The following AGO3 variants were observed in gnomAD, a reference collection of about 807,000 sequenced individuals.
AGO3 encodes the protein argonaute RISC catalytic component 3, also known as protein argonaute-3.
A neutral mutation model predicts 105.5 loss-of-function variants in AGO3; 16 were observed. The ratio of observed to expected loss-of-function variants is 0.15; its 90% confidence interval spans 0.10 to 0.23. The LOEUF is 0.23. AGO3 is among the 10% of genes least tolerant of loss of function. The pLI, the probability that AGO3 is intolerant of heterozygous loss-of-function variation, is 1.00. For missense variants in AGO3, 534 were observed against 1,088.0 expected, an observed-to-expected ratio of 0.49 and a Z score of 7.16; for synonymous variants, 340 against 367.3, an observed-to-expected ratio of 0.93 and a Z score of 0.85.
intron 12 of AGO3, among the ~76,000 whole-genome samples, chr1:36,028,311 T>C (rs1641600268): frequency 6.6e-6 from 1 of 152,014 alleles, no homozygotes; most frequent in African/African-American, 2.4e-5. Flanking sequence ...TTTAGTTACA[T>C]GTGTATACAT....
Position 36,038,745 on chromosome 1 carries a change from TAGACAC to T in AGO3, c.1843-1041_1843-1036del, listed in dbSNP as rs1332395295. ...CTCTTCTCCAAAGACATAACAATATTAGACACAGAAAGAGAAATTAATATAGCTAGT... is the reference window on the plus strand; with the variant it reads ...CTCTTCTCCAAAGACATAACAATATTAGAAAGAGAAATTAATATAGCTAGT... On this transcript the variant is annotated intron_variant, in intron 14 of 18. Transcript: ENST00000373191. 5.3e-5 allele frequency among the ~76,000 whole-genome samples: 8 copies of T among 152,260 alleles called. No individual in the cohort carries two copies. The South Asian group carries it at 1.0e-3, about 20-fold the overall frequency.
intron 2 of AGO3, among the ~76,000 whole-genome samples, chr1:35,965,937 T>C (rs1646766493): frequency 6.6e-6 from 1 of 151,062 alleles, no homozygotes; most frequent in Non-Finnish European, 1.5e-5. Flanking sequence ...GCAATTCTCC[T>C]GCCTCAGCCT....
In AGO3 at chr1:36,056,869, G is replaced by C. The variant is rs1015506693; in HGVS notation, c.*1124G>C. The C allele has an allele frequency of 2.0e-5, 3 of 152,172 alleles. No homozygotes were observed. Among genetic ancestry groups the C allele is most frequent in the Non-Finnish European group, 4.4e-5 (3 of 68,154 alleles). 9.4% of individuals were successfully genotyped at this position (152,172 alleles called of 1,614,324 possible). On this transcript the variant is annotated 3_prime_UTR_variant, in exon 19 of 19. Coordinates refer to ENST00000373191, the MANE Select transcript of AGO3 (RefSeq NM_024852.4). ...CAATTCTCCTGCCTCAGCCTCCCGA[G>C]TAGCTGGGTTTACAGGCATGTGCCA... is the stretch of plus-strand genomic sequence containing the variant.
At chr1:35,969,309 G>A (rs749867144) in intron 3 of AGO3, among the ~76,000 whole-genome samples, 31 of 152,154 alleles carry the variant, frequency 2.0e-4, no homozygotes, top group Admixed American at 1.8e-3. Flanking sequence ...TTCACAGGTT[G>A]TCTTTTCACT....
rs551031790 is a variant in AGO3 at position 36,038,763 on chromosome 1, T to G, written c.1843-1027T>G. 2.6e-5 allele frequency among the ~76,000 whole-genome samples: 4 copies of G among 152,274 alleles called. No homozygotes were observed. The South Asian group carries it at 8.3e-4, about 32-fold the overall frequency. On this transcript the variant is annotated intron_variant, in intron 14 of 18. Coordinates refer to ENST00000373191, the MANE Select transcript of AGO3 (RefSeq NM_024852.4). ...ACAATATTAGACACAGAAAGAGAAA[T>G]TAATATAGCTAGTTTCAAAACCAAG...
At chr1:36,029,090 T>C (rs1218766243) in intron 12 of AGO3, among the ~76,000 whole-genome samples, 4 of 152,194 alleles carry the variant, frequency 2.6e-5, no homozygotes, top group Non-Finnish European at 5.9e-5. Flanking sequence ...ATACTAATAA[T>C]ACCTAATCCA....
At chr1:35,996,186 G>A (rs755595131) in intron 5 of AGO3, among the ~76,000 whole-genome samples, 8 of 151,842 alleles carry the variant, frequency 5.3e-5, no homozygotes, top group Admixed American at 1.3e-4. Flanking sequence ...TTAGCTGAGC[G>A]TGGTGGTGCA....
intron 2 of AGO3, among the ~76,000 whole-genome samples, chr1:35,966,559 C>G (rs1049687568): frequency 1.3e-5 from 2 of 152,188 alleles, no homozygotes; most frequent in Admixed American, 1.3e-4. Context: ...TTATAATAGA[C>G]AAAGTGTCCT....
At chr1:36,036,671 T>C (rs748807577) in intron 14 of AGO3, among the ~76,000 whole-genome samples, 2 of 152,186 alleles carry the variant, frequency 1.3e-5, no homozygotes, top group Non-Finnish European at 2.9e-5. Context: ...GTCAATACTT[T>C]GCACCTGAAT....
At chr1:35,971,390 C>T (rs1189545687) in intron 3 of AGO3, among the ~76,000 whole-genome samples, 4 of 150,970 alleles carry the variant, frequency 2.6e-5, no homozygotes, top group Non-Finnish European at 5.9e-5. Context: ...AACTCCTGAC[C>T]TCAAGTGATC....
intron 6 of AGO3, chr1:36,005,869 GTT>G (rs1640310933): frequency 9.1e-6 from 9 of 985,252 alleles, no homozygotes; most frequent in Non-Finnish European, 1.1e-5. Flanking sequence ...GTAAAGCCAA[GTT>G]TATAGGTTAA....
At chr1:36,035,638 A>C (rs570458402) in intron 13 of AGO3, among the ~76,000 whole-genome samples, 22 of 152,290 alleles carry the variant, frequency 1.4e-4, no homozygotes, top group African/African-American at 4.3e-4. Flanking sequence ...GGAAGTTTAT[A>C]ATTTTGTGCC....
intron 1 of AGO3, among the ~76,000 whole-genome samples, chr1:35,932,056 T>A (rs1285134655): frequency 6.6e-6 from 1 of 152,148 alleles, no homozygotes; most frequent in African/African-American, 2.4e-5. Flanking sequence ...GACAGTATAT[T>A]TTTTTTCATT....
chr1:36,004,530 C>T (rs1031787461), intron 6 of AGO3, 55 bp downstream of exon 6: 92 of 1,424,758 alleles, frequency 6.5e-5, no homozygotes, highest in Middle Eastern at 4.7e-4. Flanking sequence ...GATATAACAA[C>T]CTTTTATTAA....
chr1:36,045,666 C>T lies in AGO3; in HGVS notation c.2274+2118C>T, dbSNP rs188442933. 3.7e-3 allele frequency among the ~76,000 whole-genome samples: 558 copies of T among 152,108 alleles called. 3 individuals are homozygous for T. The highest frequency in any genetic ancestry group is 5.7e-3 in the Non-Finnish European group (391 of 68,010). ...CAAGCGATTCTTCTGCCTCAGCCTC[C>T]GGAGTAGCTGGAATTATAGGCTTCT... On this transcript the variant is annotated intron_variant, in intron 17 of 18. Coordinates refer to ENST00000373191, the MANE Select transcript of AGO3 (RefSeq NM_024852.4).
chr1:36,013,770 T>A lies in AGO3; in HGVS notation c.1272+18T>A. ...GAGGACGGGTAAAGTCTCTTGTTAATGTTTTAATCATACACATATTGTCTG... is the reference window on the plus strand; with the variant it reads ...GAGGACGGGTAAAGTCTCTTGTTAAAGTTTTAATCATACACATATTGTCTG... On this transcript the variant is annotated intron_variant, in intron 10 of 18. Coordinates refer to ENST00000373191, the MANE Select transcript of AGO3 (RefSeq NM_024852.4). 1 of 1,611,970 alleles carries A rather than the reference T, an allele frequency of 6.2e-7. No individual in the cohort carries two copies. The highest frequency in any genetic ancestry group is 8.5e-7 in the Non-Finnish European group (1 of 1,178,464).
intron 12 of AGO3, among the ~76,000 whole-genome samples, chr1:36,033,642 CAAAAA>C (rs10717828): frequency 6.8e-5 from 9 of 131,576 alleles, no homozygotes; most frequent in Non-Finnish European, 1.3e-4. Context: ...GAGATCCTCT[CAAAAA>C]AAAAAAAAAA....
chr1:36,008,802 G>A lies in AGO3; in HGVS notation c.881+25G>A, dbSNP rs781588463. The A allele has an allele frequency of 2.5e-6, 4 of 1,613,974 alleles. No individual in the cohort carries two copies. Among genetic ancestry groups the A allele is most frequent in the Non-Finnish European group, 2.5e-6 (3 of 1,179,906 alleles). ...CGTAAGAAAAGTTTGTCAGAGCAGC[G>A]ATGGTGTGAGGCAGCTTGCTCTAGT... On this transcript the variant is annotated intron_variant, in intron 7 of 18. Coordinates refer to ENST00000373191, the MANE Select transcript of AGO3 (RefSeq NM_024852.4). This position sits in a 1 kb window ranked among gnomAD's most constrained non-coding sequence, Gnocchi z 5.1.
At chr1:36,035,606 G>A (rs180746064) in intron 13 of AGO3, among the ~76,000 whole-genome samples, 5 of 152,202 alleles carry the variant, frequency 3.3e-5, no homozygotes, top group Non-Finnish European at 7.4e-5. Context: ...TTTAAAGAGT[G>A]ATAAAAATTT....
Sources: gnomAD v4.1 joint callset for allele counts (sites outside exome capture counted in the v4.1 genomes callset) on GRCh38, gnomAD v4.1.1 for gene constraint, Gnocchi (gnomAD v3.1) non-coding constraint, MANE v1.5 for transcripts, NCBI Gene and HGNC (gene_info 2026-07-23, HGNC 2026-07-21) for gene names.